Variants in SLIT1 observed in about 807,000 individuals in gnomAD.
SLIT1 encodes the protein slit guidance ligand 1.
Under a neutral mutation model 186.1 loss-of-function variants are expected in SLIT1, and 66 were observed. The observed-to-expected ratio is 0.35, with a 90% CI of 0.29 to 0.44. The LOEUF (loss-of-function observed/expected upper bound fraction) is 0.44. Among genes scored for constraint, SLIT1 ranks in the 20% least tolerant of loss-of-function variants. The probability of loss-of-function intolerance (pLI) is 1.00; values close to 1 mark genes in which losing one functional copy is unlikely to be tolerated. For missense variants in SLIT1, 1,638 were observed against 2,037.4 expected (o/e 0.80, Z 3.77); for synonymous variants, 761 against 833.8 (o/e 0.91, Z 1.50).
chr10:97,065,779 C>G, intron 5 of SLIT1: 1 of 486,808 alleles, frequency 2.1e-6, no homozygotes, highest in Admixed American at 3.2e-5. Context: ...ACCAGGTCCC[C>G]AAGGGCCCCC....
At position 97,021,196 on chromosome 10, in the gene SLIT1, G is replaced by A. The variant is rs948628967; in HGVS notation, c.2746+54C>T. 1.3e-6 allele frequency: 2 copies of A among 1,568,192 alleles called. No individual in the cohort carries two copies. Among genetic ancestry groups the A allele is most frequent in the Admixed American group, 1.8e-5 (1 of 57,046 alleles). ...AGGCATGTTAGGAAGGCCCTGCAGT[G>A]TTGGGCAAGTTCTGTGAGCCCCCAG... On this transcript the variant is annotated intron_variant, in intron 26 of 36. Transcript: ENST00000266058. The surrounding 1 kb of genome is among the most constrained non-coding windows in gnomAD (Gnocchi z 4.5).
intron 4 of SLIT1, chr10:97,102,264 A>G (rs898546301): frequency 1.5e-4 from 23 of 152,022 alleles, no homozygotes; most frequent in African/African-American, 5.6e-4. Context: ...TCTACTAAAA[A>G]TACAAAAATT....
chr10:97,070,243 A>C (rs955522614), intron 4 of SLIT1, among the ~76,000 whole-genome samples: 11 of 152,334 alleles, frequency 7.2e-5, no homozygotes, highest in African/African-American at 2.6e-4. Flanking sequence ...TGAAAGCCGC[A>C]GTGTTTTGAA....
intron 23 of SLIT1, among the ~76,000 whole-genome samples, chr10:97,033,813 G>T (rs1432828453): frequency 3.3e-5 from 5 of 151,652 alleles, no homozygotes; most frequent in African/African-American, 1.2e-4. Flanking sequence ...GGTAGGGGAG[G>T]AGACAGCAAT....
chr10:97,057,834 C>CA (rs1177734165), intron 11 of SLIT1: 2 of 552,148 alleles, frequency 3.6e-6, no homozygotes, highest in East Asian at 2.8e-5. Flanking sequence ...AACAAAAGTT[C>CA]AAAAAAACAC....
chr10:97,019,918 C>T (rs1447106224), intron 26 of SLIT1, among the ~76,000 whole-genome samples: 1 of 152,120 alleles, frequency 6.6e-6, no homozygotes, highest in Non-Finnish European at 1.5e-5. Context: ...GACTAGCACA[C>T]ATGACGGACT....
intron 4 of SLIT1, among the ~76,000 whole-genome samples, chr10:97,147,457 T>C (rs895669433): frequency 2.0e-5 from 3 of 152,146 alleles, no homozygotes; most frequent in South Asian, 2.1e-4. Context: ...TAAAAAAGTG[T>C]TACAAAGGAA....
In SLIT1 at chr10:97,043,870, A is replaced by C. The variant is rs1453617639; in HGVS notation, c.1854-357T>G. Among the ~76,000 whole-genome samples the C allele has an allele frequency of 6.6e-6, 1 of 151,990 alleles. No homozygotes were observed. Among genetic ancestry groups the C allele is most frequent in the Non-Finnish European group, 1.5e-5 (1 of 67,986 alleles). On this transcript the variant is annotated intron_variant, in intron 18 of 36. Coordinates refer to ENST00000266058, the MANE Select transcript of SLIT1 (RefSeq NM_003061.3). This position sits in a 1 kb window ranked among gnomAD's most constrained non-coding sequence, Gnocchi z 7.0. ...CAGGAGACTTCCTGAAACCTAATCC[A>C]TCATGTCACTCTCCAGCTTAAAGTC...
At position 97,057,248 on chromosome 10, in the gene SLIT1, G is replaced by A. The variant is rs748459991; in HGVS notation, c.1119C>T (p.Pro373=). The change falls in exon 12 of 37, where the codon CCC becomes CCT. Residue 373 remains proline (P), a synonymous_variant. Coordinates refer to ENST00000266058, the MANE Select transcript of SLIT1 (RefSeq NM_003061.3). ...TGTATAGGCCTCCAAACACACCACG[G>A]GGGAGGTCTGTGATCTTGTTTCCAT... ...VLYGNKITDL[P]RGVFGGLYTL... 1.2e-5 allele frequency: 19 copies of A among 1,613,990 alleles called. No individual in the cohort carries two copies. The East Asian group carries it at 4.2e-4, about 36-fold the overall frequency.
chr10:97,000,653 T>C lies in SLIT1; in HGVS notation c.*459A>G, dbSNP rs1490911845. The C allele has an allele frequency of 6.4e-6, 1 of 156,528 alleles. No individual in the cohort carries two copies. Among genetic ancestry groups the C allele is most frequent in the Non-Finnish European group, 1.4e-5 (1 of 71,120 alleles). The allele number at this position is 156,528 out of a possible 1,614,324, so 9.7% of individuals were successfully genotyped here. ...GGCTTCCCGGGGAGGCTGACAGTAC[T>C]TCATGGTTGCCCGCAGAGGGGTAAG... On this transcript the variant is annotated 3_prime_UTR_variant, in exon 37 of 37. Transcript: ENST00000266058.
chr10:97,148,126 C>A (rs1849837424), intron 4 of SLIT1, among the ~76,000 whole-genome samples: 1 of 152,182 alleles, frequency 6.6e-6, no homozygotes, highest in African/African-American at 2.4e-5. Flanking sequence ...ATTTACTTAA[C>A]CTGCCCTCAA....
chr10:97,051,864 T>A (rs1411793703), intron 13 of SLIT1, among the ~76,000 whole-genome samples: 9 of 149,828 alleles, frequency 6.0e-5, no homozygotes, highest in African/African-American at 2.0e-4. Flanking sequence ...GATTTGTGAG[T>A]GAATATTCAT....
At chr10:97,037,857 G>C in intron 21 of SLIT1, 91 bp from the exon 22 acceptor site, 1 of 1,031,152 alleles carries the variant, frequency 9.7e-7, no homozygotes, top group African/African-American at 1.6e-5. Context: ...CAGGGACTTC[G>C]CTCTCATTTC....
Position 97,043,778 on chromosome 10 carries a change from C to G in SLIT1, c.1854-265G>C, listed in dbSNP as rs1429275570. On this transcript the variant is annotated intron_variant, in intron 18 of 36. Transcript: ENST00000266058. This position sits in a 1 kb window ranked among gnomAD's most constrained non-coding sequence, Gnocchi z 7.0. ...GCCACTGCCCTGTCCCCCATGCTGG[C>G]CTTGCCTCCGTGCCCTGGGTGCCCA... Among the ~76,000 whole-genome samples the G allele has an allele frequency of 6.6e-6, 1 of 152,226 alleles. No individual in the cohort carries two copies.
At chr10:97,112,139 C>T (rs1849470903) in intron 4 of SLIT1, among the ~76,000 whole-genome samples, 2 of 152,218 alleles carry the variant, frequency 1.3e-5, no homozygotes, top group African/African-American at 4.8e-5. Context: ...TTCGTCACCT[C>T]TCTCTTGGCC....
At chr10:97,024,121 C>G (rs1564655951) in intron 25 of SLIT1, among the ~76,000 whole-genome samples, 1 of 152,156 alleles carries the variant, frequency 6.6e-6, no homozygotes, top group African/African-American at 2.4e-5. Flanking sequence ...TGAGAATGGG[C>G]ACATTTACTA....
rs1850407538 is a variant in SLIT1, at chr10:97,185,809, G to T, written c.-135C>A. On this transcript the variant is annotated 5_prime_UTR_variant, in exon 1 of 37. Coordinates refer to ENST00000266058, the MANE Select transcript of SLIT1 (RefSeq NM_003061.3). Reference sequence around the variant, plus strand: ...CGGGCTTGCGCGCGGCGCCCCTGCGGGCTGGGAGGCACCTTGCTCCTCCAA... The same window carrying T: ...CGGGCTTGCGCGCGGCGCCCCTGCGTGCTGGGAGGCACCTTGCTCCTCCAA... 2 of 739,298 alleles carry T rather than the reference G, an allele frequency of 2.7e-6. No homozygotes were observed. The allele number at this position is 739,298 out of a possible 1,614,324, so 45.8% of individuals were successfully genotyped here.
At chr10:97,179,986 G>A (rs550634993) in intron 1 of SLIT1, among the ~76,000 whole-genome samples, 4 of 152,226 alleles carry the variant, frequency 2.6e-5, no homozygotes, top group East Asian at 1.9e-4. Context: ...CCAAGCACCC[G>A]TCTGCTCCCA....
intron 4 of SLIT1, among the ~76,000 whole-genome samples, chr10:97,106,265 A>T (rs994638669): frequency 4.6e-5 from 7 of 152,184 alleles, no homozygotes; most frequent in Non-Finnish European, 8.8e-5. Context: ...TTTCTGGGGG[A>T]CTTGGAGGTA....
Sources: gnomAD v4.1 joint callset for allele counts (sites outside exome capture counted in the v4.1 genomes callset) on GRCh38, gnomAD v4.1.1 for gene constraint, Gnocchi (gnomAD v3.1) non-coding constraint, MANE v1.5 for transcripts, NCBI Gene and HGNC (gene_info 2026-07-23, HGNC 2026-07-21) for gene names.